Variants in HDAC4 observed in about 807,000 individuals in gnomAD.
The protein encoded by HDAC4 is histone deacetylase A.
A neutral mutation model predicts 135.1 loss-of-function variants in HDAC4; 16 were observed. The observed-to-expected ratio is 0.12, with a 90% CI of 0.08 to 0.18. HDAC4 has a LOEUF of 0.18. Ranked by LOEUF, HDAC4 falls within the 10% of genes least tolerant of loss-of-function variation. HDAC4 has a pLI of 1.00. For synonymous variants in HDAC4, 685 were observed against 653.4 expected, an observed-to-expected ratio of 1.05 and a Z score of -0.74; for missense variants, 1,143 against 1,511.8, an observed-to-expected ratio of 0.76 and a Z score of 4.05.
chr2:239,210,106 C>G (rs1299310051), intron 3 of HDAC4, among the ~76,000 whole-genome samples: 1 of 151,898 alleles, frequency 6.6e-6, no homozygotes, highest in Admixed American at 6.6e-5. Flanking sequence ...GGACAGCCAC[C>G]CTTGAAAAAT....
intron 1 of HDAC4, among the ~76,000 whole-genome samples, chr2:239,393,265 GC>G (rs917196058): frequency 3.9e-5 from 6 of 152,258 alleles, no homozygotes; most frequent in Non-Finnish European, 8.8e-5. Context: ...TCCTTGGGAT[GC>G]ATCTGAATGG....
At chr2:239,368,346 G>C (rs772638959) in intron 1 of HDAC4, among the ~76,000 whole-genome samples, 25 of 152,186 alleles carry the variant, frequency 1.6e-4, no homozygotes, top group Admixed American at 1.5e-3. Context: ...ACTAGCAAAG[G>C]GGGCGATGAG....
At chr2:239,090,654 A>C (rs995938178) in intron 17 of HDAC4, among the ~76,000 whole-genome samples, 12 of 151,416 alleles carry the variant, frequency 7.9e-5, no homozygotes, top group African/African-American at 2.9e-4. Context: ...AAAAAGGAAA[A>C]AAAAAAAACT....
At chr2:239,061,423 G>A (rs931621401) in intron 24 of HDAC4, among the ~76,000 whole-genome samples, 4 of 151,466 alleles carry the variant, frequency 2.6e-5, no homozygotes, top group African/African-American at 9.7e-5. Flanking sequence ...GGTGTGTGGT[G>A]TGTGCACGTG....
chr2:239,246,702 C>T (rs1260134019), intron 2 of HDAC4, among the ~76,000 whole-genome samples: 1 of 152,250 alleles, frequency 6.6e-6, no homozygotes, highest in Non-Finnish European at 1.5e-5. Context: ...TGCTTCCTCC[C>T]TAAGTAAGAC....
At chr2:239,383,765 G>A (rs753699891) in intron 1 of HDAC4, among the ~76,000 whole-genome samples, 41 of 152,194 alleles carry the variant, frequency 2.7e-4, no homozygotes, top group Non-Finnish European at 5.1e-4. Context: ...CTCCCTCAAC[G>A]ATGGCCGGGG....
rs1429473643 is a variant in HDAC4 at position 239,049,685 on chromosome 2, A to G, written c.*3412T>C. On this transcript the variant is annotated 3_prime_UTR_variant, in exon 27 of 27. Transcript: ENST00000543185. ...CGAAATGGTCCTTCCCCTTGCAAAC[A>G]GATTTTCAAAAGAAGTAAAGAAAAA... 1.3e-5 allele frequency: 2 copies of G among 152,418 alleles called. No individual in the cohort carries two copies. The highest frequency in any genetic ancestry group is 4.8e-5 in the African/African-American group (2 of 41,462). The allele number at this position is 152,418 out of a possible 1,614,324, so 9.4% of individuals were successfully genotyped here. A position where few individuals can be genotyped will look rare whatever the true frequency, so the allele number is the denominator to read the frequency against.
chr2:239,072,571 T>C (rs541195349), intron 22 of HDAC4, among the ~76,000 whole-genome samples: 1 of 152,330 alleles, frequency 6.6e-6, no homozygotes, highest in South Asian at 2.1e-4. Context: ...TCCCTTCATA[T>C]GGATTTTCAG....
At position 239,139,744 on chromosome 2, in the gene HDAC4, G is replaced by A. The variant is rs897183956; in HGVS notation, c.918C>T (p.Ser306=). 6.2e-7 allele frequency: 1 copy of A among 1,614,128 alleles called. No homozygotes were observed. Among genetic ancestry groups the A allele is most frequent in the Non-Finnish European group, 8.5e-7 (1 of 1,180,008 alleles). The change falls in exon 9 of 27, where the codon AGC becomes AGT. Residue 306 remains serine, a synonymous_variant. Coordinates refer to ENST00000543185, the MANE Select transcript of HDAC4 (RefSeq NM_001378414.1). The surrounding 1 kb of genome is among the most constrained non-coding windows in gnomAD (Gnocchi z 5.3). ...CGTTCTCCGCGCTGACGCTCCCGGA[G>A]CTGTTGTTGGGTGAGCTGGGTCCGG... The part of the protein sequence containing the change: ...PGSGPSSPNN[S]SGSVSAENGI...
chr2:239,116,870 G>C (rs1371297535), intron 12 of HDAC4, among the ~76,000 whole-genome samples: 1 of 152,192 alleles, frequency 6.6e-6, no homozygotes, highest in African/African-American at 2.4e-5. Flanking sequence ...AGCCTCCCGT[G>C]CATGTCACCT....
At chr2:239,157,712 A>G (rs1360224181) in intron 6 of HDAC4, among the ~76,000 whole-genome samples, 1 of 152,204 alleles carries the variant, frequency 6.6e-6, no homozygotes, top group Non-Finnish European at 1.5e-5. Context: ...AATTGGTTAG[A>G]CTATTTGAAT....
chr2:239,263,045 C>CA (rs1270405584), intron 2 of HDAC4, among the ~76,000 whole-genome samples: 1 of 152,184 alleles, frequency 6.6e-6, no homozygotes, highest in Non-Finnish European at 1.5e-5. Context: ...GACACTGCCC[C>CA]AAACACTCGG....
At chr2:239,398,171 C>A (rs1026868242) in intron 1 of HDAC4, among the ~76,000 whole-genome samples, 1 of 152,246 alleles carries the variant, frequency 6.6e-6, no homozygotes, top group Non-Finnish European at 1.5e-5. Context: ...TCGGCCTCTG[C>A]GGCTCCTTCG....
At chr2:239,121,353 G>T (rs544767001) in intron 12 of HDAC4, among the ~76,000 whole-genome samples, 7 of 152,272 alleles carry the variant, frequency 4.6e-5, no homozygotes, top group African/African-American at 1.7e-4. Context: ...GAGGTAGTGG[G>T]GGTCATAGCG....
chr2:239,143,121 A>T (rs2041514447), intron 8 of HDAC4, among the ~76,000 whole-genome samples: 1 of 152,142 alleles, frequency 6.6e-6, no homozygotes, highest in East Asian at 1.9e-4. Context: ...CCAGGGAAGG[A>T]CTCTGTCTCA....
At chr2:239,327,736 C>G (rs2053512037) in intron 2 of HDAC4, among the ~76,000 whole-genome samples, 1 of 152,204 alleles carries the variant, frequency 6.6e-6, no homozygotes, top group Admixed American at 6.5e-5. Context: ...ACAGCCTCCC[C>G]AAAGCGTGCC....
intron 21 of HDAC4, 38 bp downstream of exon 21, chr2:239,082,064 C>T: frequency 1.2e-6 from 2 of 1,611,570 alleles, no homozygotes; most frequent in Non-Finnish European, 1.7e-6. Context: ...CCCCGCAGTC[C>T]CCCTTTCCCC....
At chr2:239,247,892 A>G (rs1434004843) in intron 2 of HDAC4, among the ~76,000 whole-genome samples, 1 of 152,176 alleles carries the variant, frequency 6.6e-6, no homozygotes, top group Non-Finnish European at 1.5e-5. Flanking sequence ...CTCTCACCAA[A>G]CCAGACCTGA....
chr2:239,281,143 C>A (rs2050709143), intron 2 of HDAC4, among the ~76,000 whole-genome samples: 1 of 131,244 alleles, frequency 7.6e-6, no homozygotes. Context: ...CACCACTCTA[C>A]AATGAACACA....
Sources: allele counts gnomAD v4.1 joint callset (sites outside exome capture counted in the v4.1 genomes callset), GRCh38; gene constraint gnomAD v4.1.1; non-coding constraint Gnocchi (gnomAD v3.1); transcripts MANE v1.5; gene names NCBI Gene and HGNC (gene_info 2026-07-23, HGNC 2026-07-21).